Variants in ANKH observed in about 807,000 individuals in gnomAD.
ANKH encodes ANKH inorganic pyrophosphate transport regulator.
ANKH carries 15 observed loss-of-function variants against 49.0 expected under a neutral mutation model. The observed-to-expected ratio is 0.31, with a 90% CI of 0.20 to 0.47. ANKH has a LOEUF of 0.47. Among genes scored for constraint, ANKH ranks in the 20% least tolerant of loss-of-function variants. The pLI, the probability that ANKH is intolerant of heterozygous loss-of-function variation, is 1.00. For synonymous variants in ANKH, 273 were observed against 260.0 expected (o/e 1.05, Z -0.48); for missense variants, 429 against 652.0 (o/e 0.66, Z 3.72).
chr5:14,871,078 T>C (rs1399981503), intron 1 of ANKH: 1 of 578,508 alleles, frequency 1.7e-6, no homozygotes, highest in Admixed American at 2.2e-5. Context: ...TACATAATAC[T>C]GCCGTGCACT....
chr5:14,824,371 A>AT (rs1330556084), intron 1 of ANKH, among the ~76,000 whole-genome samples: 2 of 152,136 alleles, frequency 1.3e-5, no homozygotes, highest in Non-Finnish European at 2.9e-5. Context: ...CGGCTGGGTG[A>AT]TTTTTTCCAA....
At chr5:14,783,803 C>A (rs1269199848) in intron 1 of ANKH, among the ~76,000 whole-genome samples, 1 of 152,164 alleles carries the variant, frequency 6.6e-6, no homozygotes, top group Non-Finnish European at 1.5e-5. Context: ...AAAATGAATT[C>A]ATTTTTATCA....
At chr5:14,839,117 C>T (rs888511929) in intron 1 of ANKH, among the ~76,000 whole-genome samples, 1 of 152,024 alleles carries the variant, frequency 6.6e-6, no homozygotes, top group Non-Finnish European at 1.5e-5. Flanking sequence ...AGCTTAATGG[C>T]GGGGAGAGTC....
Position 14,709,395 on chromosome 5 carries a change from A to ATGTACTGAAT in ANKH, c.*1801_*1802insATTCAGTACA, listed in dbSNP as rs1469382708. 6.6e-6 allele frequency: 1 copy of ATGTACTGAAT among 152,178 alleles called. No individual in the cohort carries two copies. The allele number at this position is 152,178 out of a possible 1,614,324, so 9.4% of individuals were successfully genotyped here. ...ATTTTTCAGTACTCATATATGTATT[A>ATGTACTGAAT]ATGGAGGAAAAGCCACTCTGAGGAA... On this transcript the variant is annotated 3_prime_UTR_variant, in exon 12 of 12. Coordinates refer to ENST00000284268, the MANE Select transcript of ANKH (RefSeq NM_054027.6).
At position 14,709,623 on chromosome 5, in the gene ANKH, T is replaced by G. The variant is rs1255887993; in HGVS notation, c.*1574A>C. On this transcript the variant is annotated 3_prime_UTR_variant, in exon 12 of 12. Transcript: ENST00000284268. ...CTTTCTCATTTTTGCCTTTCCAGCT[T>G]GCACTTCTATTCCTACTCCAGTGAC... is the stretch of plus-strand genomic sequence containing the variant. 6.6e-6 allele frequency: 1 copy of G among 152,370 alleles called. No individual in the cohort carries two copies. The highest frequency in any genetic ancestry group is 1.5e-5 in the Non-Finnish European group (1 of 68,038). 9.4% of individuals were successfully genotyped at this position (152,370 alleles called of 1,614,324 possible). A position where few individuals can be genotyped will look rare whatever the true frequency, so the allele number is the denominator to read the frequency against.
At chr5:14,855,448 C>A (rs1421590191) in intron 1 of ANKH, among the ~76,000 whole-genome samples, 1 of 152,218 alleles carries the variant, frequency 6.6e-6, no homozygotes, top group Non-Finnish European at 1.5e-5. Flanking sequence ...CTCTTGCCCT[C>A]TGTGTTCCAT....
intron 1 of ANKH, among the ~76,000 whole-genome samples, chr5:14,840,974 G>A (rs1326701174): frequency 6.6e-6 from 1 of 152,152 alleles, no homozygotes; most frequent in African/African-American, 2.4e-5. Context: ...TAACTTGACA[G>A]GCTAACACCT....
At chr5:14,812,653 CCT>C (rs1456553521) in intron 1 of ANKH, among the ~76,000 whole-genome samples, 1 of 152,176 alleles carries the variant, frequency 6.6e-6, no homozygotes, top group African/African-American at 2.4e-5. Flanking sequence ...TCCCTGCACC[CCT>C]GATATCTGAT....
Position 14,819,497 on chromosome 5 carries a change from CT to C in ANKH, c.97-50307del, listed in dbSNP as rs533827482. On this transcript the variant is annotated intron_variant, in intron 1 of 11. Transcript: ENST00000284268. Reference sequence around the variant, plus strand: ...ATGTTACAATGTAATTCTGTATCACCTTTATTTCAGTCTGCCACAGAGAGAG... The same window carrying C: ...ATGTTACAATGTAATTCTGTATCACCTTATTTCAGTCTGCCACAGAGAGAG... Among the ~76,000 whole-genome samples the C allele has an allele frequency of 1.6e-3, 244 of 152,288 alleles. 1 individual carries two copies. The highest frequency in any genetic ancestry group is 2.9e-3 in the Non-Finnish European group (194 of 68,024).
intron 2 of ANKH, among the ~76,000 whole-genome samples, chr5:14,765,815 C>T (rs1739242787): frequency 6.6e-6 from 1 of 152,132 alleles, no homozygotes; most frequent in African/African-American, 2.4e-5. Flanking sequence ...GGGGACACTG[C>T]GTTAGTGAAA....
At chr5:14,854,998 C>T (rs549395430) in intron 1 of ANKH, among the ~76,000 whole-genome samples, 10 of 152,192 alleles carry the variant, frequency 6.6e-5, no homozygotes, top group Admixed American at 5.2e-4. Flanking sequence ...ACCAAGTCCA[C>T]GCTCCTTACC....
At chr5:14,766,397 A>AAAAC (rs927296328) in intron 2 of ANKH, among the ~76,000 whole-genome samples, 35 of 152,266 alleles carry the variant, frequency 2.3e-4, no homozygotes, top group African/African-American at 5.8e-4. Flanking sequence ...CTCTGTCTCA[A>AAAAC]AAACAAACAA....
At chr5:14,758,399 T>G in intron 3 of ANKH, 81 bp downstream of exon 3, 1 of 1,114,710 alleles carries the variant, frequency 9.0e-7, no homozygotes. Flanking sequence ...CAAAAATAGC[T>G]AAAATGGTAG....
chr5:14,712,779 C>CG, intron 11 of ANKH, 95 bp downstream of exon 11: 1 of 1,267,452 alleles, frequency 7.9e-7, no homozygotes, highest in Admixed American at 2.0e-5. Context: ...CCCCCACTGA[C>CG]GAACGCCACC....
intron 1 of ANKH, among the ~76,000 whole-genome samples, chr5:14,848,980 T>C (rs895596878): frequency 6.6e-6 from 1 of 152,188 alleles, no homozygotes; most frequent in Non-Finnish European, 1.5e-5. Context: ...TTTAGTGAAC[T>C]CTCTTTACTA....
intron 1 of ANKH, chr5:14,826,140 A>C (rs1159698630): frequency 6.5e-6 from 1 of 153,272 alleles, no homozygotes; most frequent in African/African-American, 2.4e-5. Context: ...CTAAGCAAAT[A>C]AGTTAAAGTA....
At chr5:14,714,417 T>C (rs1737365212) in intron 9 of ANKH, among the ~76,000 whole-genome samples, 2 of 152,336 alleles carry the variant, frequency 1.3e-5, no homozygotes, top group South Asian at 4.1e-4. Context: ...CTGGAAAGGC[T>C]TGAGGACGCG....
intron 1 of ANKH, among the ~76,000 whole-genome samples, chr5:14,838,425 TTAAA>T (rs1189284700): frequency 2.0e-5 from 3 of 150,562 alleles, no homozygotes; most frequent in Non-Finnish European, 3.0e-5. Context: ...AAAAGTATAA[TTAAA>T]TAAATAAACA....
intron 1 of ANKH, among the ~76,000 whole-genome samples, chr5:14,832,052 C>T (rs1561075400): frequency 6.6e-6 from 1 of 152,158 alleles, no homozygotes; most frequent in Non-Finnish European, 1.5e-5. Context: ...GCAGTGCACA[C>T]AGCTCTACTC....
Sources: gnomAD v4.1 joint callset for allele counts (sites outside exome capture counted in the v4.1 genomes callset) on GRCh38, gnomAD v4.1.1 for gene constraint, MANE v1.5 for transcripts, NCBI Gene and HGNC (gene_info 2026-07-23, HGNC 2026-07-21) for gene names.